EPB41L2: variants seen among roughly 807,000 people sequenced by gnomAD.
The protein encoded by EPB41L2 is band 4.1-like protein 2.
EPB41L2 carries 43 observed loss-of-function variants against 113.0 expected under a neutral mutation model. The observed-to-expected ratio is 0.38, with a 90% CI of 0.30 to 0.49. The LOEUF is 0.49. Ranked by LOEUF, EPB41L2 falls within the 20% of genes least tolerant of loss-of-function variation. The pLI is 0.95. For synonymous variants in EPB41L2, 442 were observed against 436.7 expected, an observed-to-expected ratio of 1.01 and a Z score of -0.15; for missense variants, 1,147 against 1,223.4, an observed-to-expected ratio of 0.94 and a Z score of 0.93.
At chr6:131,004,782 C>A (rs1432268324) in intron 1 of EPB41L2, among the ~76,000 whole-genome samples, 1 of 152,150 alleles carries the variant, frequency 6.6e-6, no homozygotes, top group Non-Finnish European at 1.5e-5. Flanking sequence ...CCAAATCACC[C>A]AACTCCCCAC....
intron 1 of EPB41L2, among the ~76,000 whole-genome samples, chr6:131,046,078 A>ATTTTTTTTTTTTTTTTTTTTTTT: frequency 8.1e-6 from 1 of 123,990 alleles, no homozygotes; most frequent in Non-Finnish European, 1.7e-5. Context: ...TCCGAAGCTA[A>ATTTTTTTTTTTTTTTTTTTTTTT]TTTTTTTTTT....
chr6:131,009,639 A>G (rs954919), intron 1 of EPB41L2, among the ~76,000 whole-genome samples: 42,544 of 151,462 alleles, frequency 0.28, 6,366 homozygotes, highest in East Asian at 0.43. Context: ...GGAAAAATCT[A>G]AACTCTGTTT....
intron 3 of EPB41L2, among the ~76,000 whole-genome samples, chr6:130,951,283 G>T (rs1814898108): frequency 7.7e-6 from 1 of 130,006 alleles, no homozygotes; most frequent in African/African-American, 2.9e-5. Flanking sequence ...GGGGGGAGGG[G>T]AGGAGAAAAA....
intron 1 of EPB41L2, among the ~76,000 whole-genome samples, chr6:130,960,659 G>A (rs1773260134): frequency 6.6e-6 from 1 of 152,186 alleles, no homozygotes; most frequent in African/African-American, 2.4e-5. Flanking sequence ...AGTTTCAAGA[G>A]TTCAACAGAG....
intron 19 of EPB41L2, among the ~76,000 whole-genome samples, chr6:130,845,167 C>A (rs943947930): frequency 3.9e-5 from 6 of 152,200 alleles, no homozygotes; most frequent in Non-Finnish European, 7.3e-5. Flanking sequence ...AAAATATACA[C>A]GAAGTGTAGC....
intron 3 of EPB41L2, among the ~76,000 whole-genome samples, chr6:130,944,162 TACACACACATACACACAC>T (rs1327000175): frequency 3.8e-5 from 5 of 132,902 alleles, no homozygotes; most frequent in African/African-American, 1.4e-4. Flanking sequence ...TATACGTACA[TACACACACATACACACAC>T]ACACACACAC....
intron 1 of EPB41L2, among the ~76,000 whole-genome samples, chr6:130,973,128 A>C (rs1211769569): frequency 6.6e-6 from 1 of 151,990 alleles, no homozygotes; most frequent in Non-Finnish European, 1.5e-5. Context: ...TTTAAAAAGT[A>C]AGGTTTGCTT....
chr6:130,857,388 C>A (rs901558716), intron 19 of EPB41L2, among the ~76,000 whole-genome samples: 11 of 152,054 alleles, frequency 7.2e-5, no homozygotes, highest in Non-Finnish European at 1.5e-4. Flanking sequence ...CAGTAGAGTT[C>A]TTAATATACT....
chr6:130,916,528 T>G (rs919863597), intron 4 of EPB41L2, among the ~76,000 whole-genome samples: 1 of 152,206 alleles, frequency 6.6e-6, no homozygotes, highest in Non-Finnish European at 1.5e-5. Context: ...ATGTCCATAT[T>G]TGGGGAACGG....
chr6:131,041,183 G>A (rs533516661), intron 1 of EPB41L2, among the ~76,000 whole-genome samples: 1 of 152,284 alleles, frequency 6.6e-6, no homozygotes, highest in African/African-American at 2.4e-5. Flanking sequence ...ATATAATAGT[G>A]TGCTGGTTAA....
Position 130,956,167 on chromosome 6 carries a change from C to T in EPB41L2, c.319G>A (p.Val107Ile), listed in dbSNP as rs1273495970. ...TCTTTATCTAAGACCTGTTCTTCAA[C>T]AACAGCTTGGGTAGGCTCTTTTTTA... ...GDKKEPTQAV[V>I]EEQVLDKEEP... Residue 107 changes from valine to isoleucine, a missense_variant, in exon 2 of 20, where the codon GTT (valine) becomes ATT (isoleucine). Coordinates refer to ENST00000337057, the MANE Select transcript of EPB41L2 (RefSeq NM_001431.4). 8.7e-6 allele frequency: 14 copies of T among 1,614,204 alleles called. No individual in the cohort carries two copies. Among genetic ancestry groups the T allele is most frequent in the Non-Finnish European group, 1.2e-5 (14 of 1,180,042 alleles).
intron 1 of EPB41L2, among the ~76,000 whole-genome samples, chr6:131,053,434 T>TAAAAAAAAAA (rs71030727): frequency 3.4e-5 from 3 of 88,902 alleles, no homozygotes; most frequent in African/African-American, 8.5e-5. Flanking sequence ...ATGGAAATGA[T>TAAAAAAAAAA]AAAAAAAAAA....
intron 5 of EPB41L2, among the ~76,000 whole-genome samples, chr6:130,905,712 G>A (rs76299495): frequency 0.024 from 3,607 of 152,138 alleles, 133 homozygotes; most frequent in African/African-American, 0.082. Flanking sequence ...GAACCACCAC[G>A]CCCAGCCAAG....
chr6:130,987,147 G>C (rs760333947), intron 1 of EPB41L2, among the ~76,000 whole-genome samples: 10 of 152,162 alleles, frequency 6.6e-5, no homozygotes, highest in Non-Finnish European at 1.5e-4. Flanking sequence ...TATTTGGGTT[G>C]TGTCTGCCTT....
chr6:130,892,403 C>CTTTTTTTTTTTGTTTTTTTTTTTTTTTT (rs1793213490), intron 10 of EPB41L2, among the ~76,000 whole-genome samples: 2 of 92,640 alleles, frequency 2.2e-5, no homozygotes, highest in Non-Finnish European at 4.8e-5. Context: ...CAGATTATTG[C>CTTTTTTTTTTTGTTTTTTTTTTTTTTTT]TTTTTTTTTT....
intron 1 of EPB41L2, among the ~76,000 whole-genome samples, chr6:131,025,184 T>C (rs1224486042): frequency 6.6e-6 from 1 of 152,162 alleles, no homozygotes. Context: ...TGACTGTAGG[T>C]GCCTTTCTAA....
At chr6:131,028,098 A>G (rs939015334) in intron 1 of EPB41L2, among the ~76,000 whole-genome samples, 1 of 152,220 alleles carries the variant, frequency 6.6e-6, no homozygotes, top group African/African-American at 2.4e-5. Context: ...TACCACTATC[A>G]GTAAAAAGAT....
intron 2 of EPB41L2, 34 bp downstream of exon 2, chr6:130,955,960 G>A (rs755088150): frequency 1.3e-6 from 2 of 1,584,502 alleles, no homozygotes; most frequent in South Asian, 1.2e-5. Context: ...ACGCTATCAG[G>A]TTTTCATTTC....
intron 3 of EPB41L2, among the ~76,000 whole-genome samples, chr6:130,935,376 C>T (rs1026844121): frequency 6.6e-6 from 1 of 152,306 alleles, no homozygotes; most frequent in African/African-American, 2.4e-5. Flanking sequence ...CCAAGCCCAT[C>T]AAGTCTAAGA....
Sources: allele counts gnomAD v4.1 joint callset (sites outside exome capture counted in the v4.1 genomes callset), GRCh38; gene constraint gnomAD v4.1.1; transcripts MANE v1.5; gene names NCBI Gene and HGNC (gene_info 2026-07-23, HGNC 2026-07-21).